Variants in ANKRD16 observed in about 807,000 individuals in gnomAD.
ANKRD16 encodes the protein ankyrin repeat domain 16, also known as ankyrin repeat domain-containing protein 16.
ANKRD16 carries 35 observed loss-of-function variants against 37.9 expected under a neutral mutation model. The observed-to-expected ratio is 0.92, with a 90% CI of 0.71 to 1.23. The LOEUF is 1.23. Among genes scored for constraint, ANKRD16 ranks in the 50% most tolerant of loss-of-function variants. The pLI is 0.00. For missense variants in ANKRD16, 480 were observed against 469.9 expected (o/e 1.02, Z -0.20); for synonymous variants, 206 against 197.2 (o/e 1.04, Z -0.37).
Position 5,862,242 on chromosome 10 carries a change from A to G in ANKRD16, c.*483T>C. 2.9e-6 allele frequency: 1 copy of G among 347,262 alleles called. No individual in the cohort carries two copies. The highest frequency in any genetic ancestry group is 1.1e-3 in the Middle Eastern group (1 of 928). The allele number at this position is 347,262 out of a possible 1,614,324, so 21.5% of individuals were successfully genotyped here. A position where few individuals can be genotyped will look rare whatever the true frequency, so the allele number is the denominator to read the frequency against. On this transcript the variant is annotated 3_prime_UTR_variant, in exon 8 of 8. Coordinates refer to ENST00000380094, the MANE Select transcript of ANKRD16 (RefSeq NM_019046.3). The surrounding 1 kb of genome is among the most constrained non-coding windows in gnomAD (Gnocchi z 6.5). ...AATGGTTCCAGAGAGTTCTCTGGCT[A>G]AAGACTGCTGCTGCATCTGTTAGGC...
At position 5,878,812 on chromosome 10, in the gene ANKRD16, C is replaced by G. The variant is rs1439263260; in HGVS notation, c.929-525G>C. 6.7e-6 allele frequency among the ~76,000 whole-genome samples: 1 copy of G among 149,950 alleles called. No individual in the cohort carries two copies. The highest frequency in any genetic ancestry group is 1.5e-5 in the Non-Finnish European group (1 of 67,546). ...AAAAAAAAAAAAAAAGAAAAAGAAACTTATCTAAAGCAAGAAGCAACAGAG... is the reference window on the plus strand; with the variant it reads ...AAAAAAAAAAAAAAAGAAAAAGAAAGTTATCTAAAGCAAGAAGCAACAGAG... On this transcript the variant is annotated intron_variant, in intron 6 of 7. Coordinates refer to ENST00000380094, the MANE Select transcript of ANKRD16 (RefSeq NM_019046.3). The surrounding 1 kb of genome is among the most constrained non-coding windows in gnomAD (Gnocchi z 5.1).
rs770421295 is a variant in ANKRD16, at chr10:5,878,266, C to G, written c.950G>C (p.Gly317Ala). 5 of 1,613,918 alleles carry G rather than the reference C, an allele frequency of 3.1e-6. No individual in the cohort carries two copies. In the South Asian group the frequency reaches 5.5e-5, roughly 18 times the overall value. ...AAACTTGGCACAGGCCAAGTGCTGA[C>G]CTGCACAGGCCAGATGCAGGGCTGA... is the stretch of plus-strand genomic sequence containing the variant. Reference protein sequence around the residue: ...NRSALHLACAGQHLACAKFLL... With the variant: ...NRSALHLACAAQHLACAKFLL... The change falls in exon 7 of 8, where the codon GGT becomes GCT. Residue 317 changes from glycine (G) to alanine (A), a missense_variant. Gly to Ala is a moderately conservative substitution (Grantham distance 60). Transcript: ENST00000380094. The surrounding 1 kb of genome is among the most constrained non-coding windows in gnomAD (Gnocchi z 5.1).
rs976653281 is a variant in ANKRD16 at position 5,864,338 on chromosome 10, C to T, written c.*34-1647G>A. Among the ~76,000 whole-genome samples the T allele has an allele frequency of 6.6e-6, 1 of 151,924 alleles. No homozygotes were observed. The highest frequency in any genetic ancestry group is 2.4e-5 in the African/African-American group (1 of 41,328). On this transcript the variant is annotated intron_variant, in intron 7 of 7. Coordinates refer to ENST00000380094, the MANE Select transcript of ANKRD16 (RefSeq NM_019046.3). The surrounding 1 kb of genome is among the most constrained non-coding windows in gnomAD (Gnocchi z 4.4). ...AGAAATCTCCAAGGGACCACAACCT[C>T]CCCCCCACCCCTGCTATCGGTTATG...
chr10:5,885,028 G>A (rs1363534271), intron 3 of ANKRD16, among the ~76,000 whole-genome samples: 1 of 152,110 alleles, frequency 6.6e-6, no homozygotes, highest in Non-Finnish European at 1.5e-5. Context: ...TTGTTCTGTA[G>A]GGATCCTGCA....
chr10:5,872,442 A>G (rs116808833), intron 7 of ANKRD16, among the ~76,000 whole-genome samples: 10,541 of 152,146 alleles, frequency 0.069, 1,191 homozygotes, highest in African/African-American at 0.24. Context: ...TTACGCCACT[A>G]TACCCCGGCC....
chr10:5,876,853 G>C (rs1312109143), intron 7 of ANKRD16, among the ~76,000 whole-genome samples: 1 of 152,022 alleles, frequency 6.6e-6, no homozygotes, highest in Non-Finnish European at 1.5e-5. Flanking sequence ...TTGCAATTCA[G>C]AGAGAAGGAT....
At position 5,864,482 on chromosome 10, in the gene ANKRD16, T is replaced by C. The variant is rs1358091740; in HGVS notation, c.*34-1791A>G. 3.9e-5 allele frequency among the ~76,000 whole-genome samples: 6 copies of C among 152,128 alleles called. No individual in the cohort carries two copies. Among genetic ancestry groups the C allele is most frequent in the Non-Finnish European group, 8.8e-5 (6 of 68,028 alleles). Reference sequence around the variant, plus strand: ...GGGTAAGTTTTCAGATATATCCTGATAGGTATATAGATGTCCCACAGGGTC... The same window carrying C: ...GGGTAAGTTTTCAGATATATCCTGACAGGTATATAGATGTCCCACAGGGTC... On this transcript the variant is annotated intron_variant, in intron 7 of 7. Coordinates refer to ENST00000380094, the MANE Select transcript of ANKRD16 (RefSeq NM_019046.3). This position sits in a 1 kb window ranked among gnomAD's most constrained non-coding sequence, Gnocchi z 4.4.
In ANKRD16 at chr10:5,861,863, T is replaced by C. The variant is rs1047177554; in HGVS notation, c.*862A>G. 2 of 151,892 alleles carry C rather than the reference T, an allele frequency of 1.3e-5. No homozygotes were observed. Among genetic ancestry groups the C allele is most frequent in the African/African-American group, 4.8e-5 (2 of 41,270 alleles). The allele number at this position is 151,892 out of a possible 1,614,324, so 9.4% of individuals were successfully genotyped here. On this transcript the variant is annotated 3_prime_UTR_variant, in exon 8 of 8. Coordinates refer to ENST00000380094, the MANE Select transcript of ANKRD16 (RefSeq NM_019046.3). ...GGTATCATCTGTGATACTATCAACA[T>C]GGCAGCTCACAGACTGGGCAGGCCC...
rs557676001 is a variant in ANKRD16 at position 5,888,903 on chromosome 10, C to T, written c.314+138G>A. ...ATAAGGGAAAGTTGGGCAGGAGGTC[C>T]CTGCCGCTGAGCAGGCCTGGGGTGA... is the stretch of plus-strand genomic sequence containing the variant. On this transcript the variant is annotated intron_variant, in intron 1 of 7. Coordinates refer to ENST00000380094, the MANE Select transcript of ANKRD16 (RefSeq NM_019046.3). 3.5e-4 allele frequency: 331 copies of T among 934,022 alleles called. 2 individuals carry two copies. In the African/African-American group the frequency reaches 5.0e-3, roughly 14 times the overall value. The allele number at this position is 934,022 out of a possible 1,614,324, so 57.9% of individuals were successfully genotyped here. A position where few individuals can be genotyped will look rare whatever the true frequency, so the allele number is the denominator to read the frequency against.
chr10:5,885,611 T>C (rs1564419547), intron 3 of ANKRD16, 112 bp downstream of exon 3: 1 of 1,149,124 alleles, frequency 8.7e-7, no homozygotes, highest in Non-Finnish European at 1.2e-6. Flanking sequence ...ATTTTTCTTT[T>C]GAAAGCCTAA....
chr10:5,883,078 G>A lies in ANKRD16; in HGVS notation c.777C>T (p.Val259=), dbSNP rs766030241. Residue 259 remains valine (V), a synonymous_variant, in exon 5 of 8, where the codon GTC becomes GTT. Coordinates refer to ENST00000380094, the MANE Select transcript of ANKRD16 (RefSeq NM_019046.3). ...TGQDEAIRFL[V]SELGVDVDVR... The stretch of plus-strand genomic sequence containing the variant: ...CATCTACATCGACGCCAAGTTCAGA[G>A]ACCAAGAATCGGATGGCTTCGTCCT... The A allele has an allele frequency of 1.1e-5, 17 of 1,614,040 alleles. No homozygotes were observed. In the African/African-American group the frequency reaches 2.0e-4, roughly 19 times the overall value.
chr10:5,889,402 C>T lies in ANKRD16; in HGVS notation c.-48G>A. The T allele has an allele frequency of 4.3e-6, 5 of 1,159,492 alleles. No individual in the cohort carries two copies. The highest frequency in any genetic ancestry group is 5.3e-6 in the Non-Finnish European group (5 of 940,912). 71.8% of individuals were successfully genotyped at this position (1,159,492 alleles called of 1,614,324 possible). A position where few individuals can be genotyped will look rare whatever the true frequency, so the allele number is the denominator to read the frequency against. On this transcript the variant is annotated 5_prime_UTR_variant, in exon 1 of 8. Transcript: ENST00000380094. ...CGCGGGGAGGCGGCGGGCGGGACACCGGCGGCCGGGCAGGGAGAAGCCGAG... is the reference window on the plus strand; with the variant it reads ...CGCGGGGAGGCGGCGGGCGGGACACTGGCGGCCGGGCAGGGAGAAGCCGAG...
At chr10:5,875,030 T>C (rs1437585223) in intron 7 of ANKRD16, among the ~76,000 whole-genome samples, 1 of 151,942 alleles carries the variant, frequency 6.6e-6, no homozygotes. Context: ...TAAAAGTACA[T>C]CACTTGAAAT....
rs1842057170 is a variant in ANKRD16 at position 5,869,427 on chromosome 10, C to T, written c.*34-6736G>A. Among the ~76,000 whole-genome samples, 1 of 152,170 alleles carries T rather than the reference C, an allele frequency of 6.6e-6. No individual in the cohort carries two copies. The highest frequency in any genetic ancestry group is 2.4e-5 in the African/African-American group (1 of 41,436). On this transcript the variant is annotated intron_variant, in intron 7 of 7. Transcript: ENST00000380094. This position sits in a 1 kb window ranked among gnomAD's most constrained non-coding sequence, Gnocchi z 4.0. The stretch of plus-strand genomic sequence containing the variant: ...GGGCTGCCCAGCCACCTGTGTCCAG[C>T]AAGGTGGGGGCCTGAGAAGCACTGC...
At chr10:5,887,757 T>G (rs764039583) in intron 2 of ANKRD16, 90 bp downstream of exon 2, 2 of 923,382 alleles carry the variant, frequency 2.2e-6, no homozygotes, top group East Asian at 1.3e-4. Flanking sequence ...TCCTTTCCCC[T>G]GAAGGTGACC....
rs552457019 is a variant in ANKRD16, at chr10:5,871,083, C to T, written c.*33+7014G>A. The stretch of plus-strand genomic sequence containing the variant: ...GCCCTCACTCCCATCTTGTTTCCTT[C>T]TCAGTAAAAATCATGTCACGCAGCC... On this transcript the variant is annotated intron_variant, in intron 7 of 7. Coordinates refer to ENST00000380094, the MANE Select transcript of ANKRD16 (RefSeq NM_019046.3). The surrounding 1 kb of genome is among the most constrained non-coding windows in gnomAD (Gnocchi z 4.5). 9.8e-5 allele frequency among the ~76,000 whole-genome samples: 15 copies of T among 152,304 alleles called. No homozygotes were observed. The East Asian group carries it at 2.9e-3, about 29-fold the overall frequency.
At position 5,883,055 on chromosome 10, in the gene ANKRD16, T is replaced by A; in HGVS notation, c.800A>T (p.Asp267Val). Residue 267 changes from aspartate (D) to valine (V), a missense_variant, in exon 5 of 8, where the codon GAT becomes GTT. Transcript: ENST00000380094. The stretch of plus-strand genomic sequence containing the variant: ...GAGGTGGGTTGATGTGGCTCTCACA[T>A]CTACATCGACGCCAAGTTCAGAGAC... ...FLVSELGVDV[D>V]VRATSTHLTA... 1 of 1,614,086 alleles carries A rather than the reference T, an allele frequency of 6.2e-7. No homozygotes were observed. The highest frequency in any genetic ancestry group is 8.5e-7 in the Non-Finnish European group (1 of 1,180,046).
At chr10:5,885,832 T>A in intron 2 of ANKRD16, 67 bp from the exon 3 acceptor site, 1 of 1,524,654 alleles carries the variant, frequency 6.6e-7, no homozygotes, top group South Asian at 1.3e-5. Context: ...TCCTGCCTCC[T>A]GGCTTTGCTC....
chr10:5,873,810 G>A (rs1040701754), intron 7 of ANKRD16, among the ~76,000 whole-genome samples: 18 of 151,620 alleles, frequency 1.2e-4, no homozygotes, highest in Admixed American at 6.6e-4. Flanking sequence ...ATTTTCTCGT[G>A]TAAGTTTTTT....
Sources: gnomAD v4.1 joint callset for allele counts (sites outside exome capture counted in the v4.1 genomes callset) on GRCh38, gnomAD v4.1.1 for gene constraint, Gnocchi (gnomAD v3.1) non-coding constraint, MANE v1.5 for transcripts, NCBI Gene and HGNC (gene_info 2026-07-23, HGNC 2026-07-21) for gene names.